Variants in ZNF420 observed in about 807,000 individuals in gnomAD.
ZNF420 encodes the protein zinc finger protein 420.
ZNF420 carries 31 observed loss-of-function variants against 44.7 expected under a neutral mutation model. That is an observed-to-expected ratio of 0.69 (90% CI 0.52 to 0.94). The LOEUF is 0.94. Among genes scored for constraint, ZNF420 ranks in the 40% least tolerant of loss-of-function variants. The pLI is 0.00. For synonymous variants in ZNF420, 245 were observed against 267.4 expected (o/e 0.92, Z 0.82); for missense variants, 681 against 827.9 (o/e 0.82, Z 2.18).
At chr19:37,036,421 C>A (rs1474764783) in intron 1 of ZNF420, among the ~76,000 whole-genome samples, 5 of 152,160 alleles carry the variant, frequency 3.3e-5, no homozygotes, top group Non-Finnish European at 7.3e-5. Flanking sequence ...TCCCCAAATT[C>A]CCTCCTGTCC....
chr19:37,048,925 T>C (rs1967590892), intron 1 of ZNF420, among the ~76,000 whole-genome samples: 1 of 146,822 alleles, frequency 6.8e-6, no homozygotes, highest in Admixed American at 6.9e-5. Context: ...GTCCATGTGT[T>C]CTCATTGTTC....
intron 1 of ZNF420, among the ~76,000 whole-genome samples, chr19:37,072,443 G>T (rs941563537): frequency 3.3e-5 from 5 of 152,206 alleles, no homozygotes; most frequent in Admixed American, 1.3e-4. Context: ...CACAAAGGAA[G>T]AAGATACTCC....
intron 2 of ZNF420, among the ~76,000 whole-genome samples, chr19:37,087,876 A>G (rs1968915895): frequency 6.6e-6 from 1 of 152,088 alleles, no homozygotes; most frequent in Non-Finnish European, 1.5e-5. Context: ...AGATCTCCTG[A>G]CCTCGTGATC....
chr19:37,113,129 G>C (rs1270145834), intron 4 of ZNF420, among the ~76,000 whole-genome samples: 1 of 152,176 alleles, frequency 6.6e-6, no homozygotes, highest in Non-Finnish European at 1.5e-5. Flanking sequence ...CCCTCTTCTC[G>C]TTTCCCGACA....
intron 4 of ZNF420, among the ~76,000 whole-genome samples, chr19:37,098,202 T>C (rs978968092): frequency 1.3e-5 from 2 of 152,174 alleles, no homozygotes; most frequent in Non-Finnish European, 2.9e-5. Flanking sequence ...TCTACCTGCC[T>C]TGGCCTCTCA....
chr19:37,064,316 TTG>T (rs1447632552), intron 1 of ZNF420, among the ~76,000 whole-genome samples: 3 of 152,346 alleles, frequency 2.0e-5, no homozygotes, highest in African/African-American at 4.8e-5. Context: ...CAGTATAGAC[TTG>T]TGATTTCCTA....
At chr19:37,095,204 G>A (rs538687977) in intron 4 of ZNF420, among the ~76,000 whole-genome samples, 9 of 152,006 alleles carry the variant, frequency 5.9e-5, no homozygotes, top group Non-Finnish European at 1.0e-4. Context: ...GCCATTGCCG[G>A]TGAATTTAAA....
At chr19:37,026,637 T>C (rs1396181189) in intron 1 of ZNF420, among the ~76,000 whole-genome samples, 1 of 151,808 alleles carries the variant, frequency 6.6e-6, no homozygotes, top group African/African-American at 2.4e-5. Context: ...GATTTTTGTA[T>C]GTTTAGTAGG....
At chr19:37,065,594 C>T (rs1014965990) in intron 1 of ZNF420, among the ~76,000 whole-genome samples, 1 of 152,262 alleles carries the variant, frequency 6.6e-6, no homozygotes, top group Non-Finnish European at 1.5e-5. Context: ...ATGCAAGAAA[C>T]TGAATTCTGC....
chr19:37,099,505 T>G (rs1054177303), intron 4 of ZNF420, among the ~76,000 whole-genome samples: 1 of 152,244 alleles, frequency 6.6e-6, no homozygotes, highest in East Asian at 1.9e-4. Flanking sequence ...ATCTTTTGAC[T>G]ATTTTTTAAT....
intron 1 of ZNF420, among the ~76,000 whole-genome samples, chr19:37,036,482 G>A (rs1460689268): frequency 6.6e-6 from 1 of 152,152 alleles, no homozygotes; most frequent in Non-Finnish European, 1.5e-5. Flanking sequence ...ATTCAGCACT[G>A]AGCCAGCAGG....
intron 1 of ZNF420, among the ~76,000 whole-genome samples, chr19:37,029,305 ATGAGGAAGT>A (rs1333895926): frequency 1.3e-5 from 2 of 152,216 alleles, no homozygotes; most frequent in Non-Finnish European, 2.9e-5. Flanking sequence ...ATCTAGAGTC[ATGAGGAAGT>A]TGAGGAAATG....
chr19:37,093,062 T>TG (rs1159374516), intron 4 of ZNF420: 1 of 152,086 alleles, frequency 6.6e-6, no homozygotes, highest in Non-Finnish European at 1.5e-5. Flanking sequence ...TTCTGGAGGC[T>TG]GTACGAGCAT....
intron 1 of ZNF420, among the ~76,000 whole-genome samples, chr19:37,062,233 A>G (rs1286001234): frequency 2.0e-5 from 3 of 152,238 alleles, no homozygotes; most frequent in Non-Finnish European, 2.9e-5. Context: ...ACTGTGTAAT[A>G]TATTTAAGTG....
chr19:37,099,725 G>A (rs539256571), intron 4 of ZNF420, among the ~76,000 whole-genome samples: 2 of 152,296 alleles, frequency 1.3e-5, no homozygotes, highest in South Asian at 4.1e-4. Flanking sequence ...CCAGGTTCAA[G>A]TGATTCTCTT....
intron 2 of ZNF420, among the ~76,000 whole-genome samples, chr19:37,084,610 T>G (rs1968655377): frequency 6.6e-6 from 1 of 152,192 alleles, no homozygotes; most frequent in Admixed American, 6.5e-5. Flanking sequence ...CAGTATTATA[T>G]CTGCCTTAAA....
At chr19:37,014,625 G>A (rs58409556) in intron 1 of ZNF420, among the ~76,000 whole-genome samples, 1,999 of 152,260 alleles carry the variant, frequency 0.013, 46 homozygotes, top group African/African-American at 0.045. Context: ...TGGGGCTGCC[G>A]CCTGACAGCC....
At chr19:37,026,930 A>G (rs1967171240) in intron 1 of ZNF420, among the ~76,000 whole-genome samples, 1 of 152,252 alleles carries the variant, frequency 6.6e-6, no homozygotes. Context: ...ACAAATACAA[A>G]TAGTCAACAA....
intron 4 of ZNF420, among the ~76,000 whole-genome samples, chr19:37,101,325 T>TCATC (rs1969764907): frequency 6.6e-6 from 1 of 152,240 alleles, no homozygotes; most frequent in South Asian, 2.1e-4. Context: ...TGAAACCCCA[T>TCATC]TTCTACTAAA....
Sources: allele counts gnomAD v4.1 joint callset (sites outside exome capture counted in the v4.1 genomes callset), GRCh38; gene constraint gnomAD v4.1.1; transcripts MANE v1.5; gene names NCBI Gene and HGNC (gene_info 2026-07-23, HGNC 2026-07-21).